C6: variants seen among roughly 807,000 people sequenced by gnomAD.
C6 encodes the protein complement component C6.
In C6, 101 loss-of-function variants were observed where a neutral mutation model predicts 112.9. The ratio of observed to expected loss-of-function variants is 0.89; its 90% CI spans 0.76 to 1.06. The LOEUF is 1.06. Among genes scored for constraint, C6 ranks in the 50% least tolerant of loss-of-function variants. C6 has a pLI of 0.00. For missense variants in C6, 1,202 were observed against 1,104.6 expected (o/e 1.09, Z -1.25); for synonymous variants, 431 against 384.1 (o/e 1.12, Z -1.43).
At chr5:41,187,715 C>CACACAG (rs1201035251) in intron 5 of C6, among the ~76,000 whole-genome samples, 1 of 151,698 alleles carries the variant, frequency 6.6e-6, no homozygotes, top group East Asian at 1.9e-4. Context: ...CACACACACA[C>CACACAG]ACACACACAC....
At chr5:41,230,735 C>T (rs1474474896) in intron 1 of C6, among the ~76,000 whole-genome samples, 2 of 152,100 alleles carry the variant, frequency 1.3e-5, no homozygotes, top group African/African-American at 2.4e-5. Context: ...TAAAAACGTG[C>T]TGGTTTTGCA....
chr5:41,184,631 C>A (rs1749626933), intron 6 of C6, among the ~76,000 whole-genome samples: 1 of 151,972 alleles, frequency 6.6e-6, no homozygotes, highest in African/African-American at 2.4e-5. Flanking sequence ...ACCACTACGC[C>A]CAGCTAAGTT....
At chr5:41,185,259 T>C (rs4245976) in intron 6 of C6, among the ~76,000 whole-genome samples, 132,019 of 152,154 alleles carry the variant, frequency 0.87, 57,385 homozygotes, top group Admixed American at 0.92. Flanking sequence ...TTGAGTGAAT[T>C]GAATTGGAAA....
intron 5 of C6, among the ~76,000 whole-genome samples, chr5:41,187,533 G>A (rs1749870315): frequency 6.6e-6 from 1 of 152,058 alleles, no homozygotes. Flanking sequence ...TTACTCAGGC[G>A]CTTCTAACCA....
intron 16 of C6, 142 bp downstream of exon 16, chr5:41,149,793 C>T (rs1483696786): frequency 7.0e-6 from 5 of 709,536 alleles, no homozygotes; most frequent in Non-Finnish European, 1.0e-5. Flanking sequence ...AGGAGGAATT[C>T]AGCAGAGCAC....
chr5:41,186,009 G>C, intron 6 of C6, 61 bp downstream of exon 6: 2 of 1,596,072 alleles, frequency 1.3e-6, no homozygotes, highest in South Asian at 2.2e-5. Flanking sequence ...AATTTTGCAT[G>C]AGAAATTTAG....
intron 1 of C6, among the ~76,000 whole-genome samples, chr5:41,225,319 GTT>G (rs70988837): frequency 1.3e-5 from 2 of 151,138 alleles, no homozygotes; most frequent in Non-Finnish European, 2.9e-5. Context: ...TGCAGTGTTT[GTT>G]TTTTTTTGTC....
At chr5:41,216,544 A>C (rs762506013), upstream of C6, among the ~76,000 whole-genome samples, 2 of 152,112 alleles carry the variant, frequency 1.3e-5, no homozygotes, top group Non-Finnish European at 2.9e-5. Context: ...GTTCAGACAG[A>C]TAATAGAAAC....
At chr5:41,169,211 C>A (rs1387104758) in intron 9 of C6, among the ~76,000 whole-genome samples, 1 of 152,080 alleles carries the variant, frequency 6.6e-6, no homozygotes, top group Non-Finnish European at 1.5e-5. Context: ...GAGAAACATG[C>A]TAACAAAGGT....
chr5:41,171,208 T>C (rs568389877), intron 9 of C6, among the ~76,000 whole-genome samples: 2 of 152,244 alleles, frequency 1.3e-5, no homozygotes, highest in South Asian at 4.1e-4. Context: ...GTAGAATGAA[T>C]TGTGCATGGT....
intron 8 of C6, among the ~76,000 whole-genome samples, chr5:41,176,133 C>T (rs1002385422): frequency 1.3e-5 from 2 of 152,096 alleles, no homozygotes; most frequent in East Asian, 1.9e-4. Flanking sequence ...AGTGCCAGTA[C>T]AAAGTTGGTT....
At chr5:41,147,521 T>A (rs1245318577) in intron 17 of C6, among the ~76,000 whole-genome samples, 2 of 152,100 alleles carry the variant, frequency 1.3e-5, no homozygotes, top group South Asian at 2.1e-4. Context: ...AGAACTGGTT[T>A]TGAGTAATAA....
At chr5:41,170,570 C>T (rs1256136634) in intron 9 of C6, among the ~76,000 whole-genome samples, 1 of 151,930 alleles carries the variant, frequency 6.6e-6, no homozygotes, top group East Asian at 1.9e-4. Flanking sequence ...TGCCTTTGTG[C>T]CCTCTTTTTC....
At chr5:41,242,523 T>G (rs935446856) in intron 1 of C6, among the ~76,000 whole-genome samples, 4 of 152,106 alleles carry the variant, frequency 2.6e-5, no homozygotes, top group African/African-American at 9.7e-5. Context: ...TACATCTGAG[T>G]TCTAGCAAAA....
At chr5:41,258,068 C>G (rs1308119298) in intron 1 of C6, among the ~76,000 whole-genome samples, 1 of 151,858 alleles carries the variant, frequency 6.6e-6, no homozygotes, top group African/African-American at 2.4e-5. Flanking sequence ...AAGAAAAAAC[C>G]CACCAGGCAT....
chr5:41,254,394 A>G (rs1741553363), intron 1 of C6, among the ~76,000 whole-genome samples: 1 of 152,222 alleles, frequency 6.6e-6, no homozygotes, highest in South Asian at 2.1e-4. Flanking sequence ...CAACAGAGCA[A>G]GACTCCATCT....
rs140622541 is a variant in C6 at position 41,192,332 on chromosome 5, A to G, written c.587+3460T>C. ...TTTTGCATCAGGGATATTGACCTGT[A>G]GTAGATTTGTTGTTGTTGTTGTTGC... On this transcript the variant is annotated intron_variant, in intron 5 of 17. Coordinates refer to ENST00000337836, the MANE Select transcript of C6 (RefSeq NM_000065.5). Among the ~76,000 whole-genome samples, 119 of 152,248 alleles carry G rather than the reference A, an allele frequency of 7.8e-4. 1 individual carries two copies. Among genetic ancestry groups the G allele is most frequent in the African/African-American group, 2.7e-3 (113 of 41,566 alleles).
At chr5:41,156,665 G>T (rs539797226) in intron 13 of C6, among the ~76,000 whole-genome samples, 1 of 152,248 alleles carries the variant, frequency 6.6e-6, no homozygotes, top group African/African-American at 2.4e-5. Context: ...GGTTAAACTT[G>T]TCTCCTAGAA....
chr5:41,143,940 A>C (rs1405113740), intron 17 of C6, among the ~76,000 whole-genome samples: 1 of 152,244 alleles, frequency 6.6e-6, no homozygotes, highest in East Asian at 1.9e-4. Context: ...AGTTGAGTAT[A>C]TCAAATTAAT....
Sources: gnomAD v4.1 joint callset for allele counts (sites outside exome capture counted in the v4.1 genomes callset) on GRCh38, gnomAD v4.1.1 for gene constraint, MANE v1.5 for transcripts, NCBI Gene and HGNC (gene_info 2026-07-23, HGNC 2026-07-21) for gene names.